PCDH15: variants seen among roughly 807,000 people sequenced by gnomAD.
PCDH15 encodes the protein protocadherin-15.
Under a neutral mutation model 178.5 loss-of-function variants are expected in PCDH15, and 129 were observed. That is an observed-to-expected ratio of 0.72 (90% CI 0.63 to 0.84). The LOEUF (loss-of-function observed/expected upper bound fraction) is 0.84, where lower values mean the gene tolerates loss of function less well. Ranked by LOEUF, PCDH15 falls within the 40% of genes least tolerant of loss-of-function variation. PCDH15 has a pLI of 0.00. For synonymous variants in PCDH15, 800 were observed against 732.0 expected, an observed-to-expected ratio of 1.09 and a Z score of -1.50; for missense variants, 2,230 against 2,099.9, an observed-to-expected ratio of 1.06 and a Z score of -1.21.
chr10:53,987,815 A>G (rs979319928), intron 21 of PCDH15, among the ~76,000 whole-genome samples: 2 of 152,108 alleles, frequency 1.3e-5, no homozygotes, highest in Non-Finnish European at 2.9e-5. Flanking sequence ...TCTCCATTGA[A>G]AACTTCTTTT....
intron 2 of PCDH15, among the ~76,000 whole-genome samples, chr10:55,078,009 G>T (rs538589313): frequency 2.6e-5 from 4 of 152,252 alleles, no homozygotes; most frequent in African/African-American, 7.2e-5. Context: ...GGACTGGTCT[G>T]GTTGTCATGA....
chr10:55,023,962 AAG>A (rs1591841670), intron 2 of PCDH15, among the ~76,000 whole-genome samples: 1 of 149,346 alleles, frequency 6.7e-6, no homozygotes, highest in East Asian at 1.9e-4. Flanking sequence ...GAATCAGAGA[AAG>A]AGATTTTATA....
chr10:54,490,294 C>CA (rs1258648194), intron 3 of PCDH15, among the ~76,000 whole-genome samples: 1 of 151,744 alleles, frequency 6.6e-6, no homozygotes, highest in Non-Finnish European at 1.5e-5. Context: ...ATTAAAAACA[C>CA]AAAAAATTAG....
chr10:54,258,854 C>T lies in PCDH15; in HGVS notation c.877-21923G>A, dbSNP rs1054637183. Among the ~76,000 whole-genome samples, 5 of 151,996 alleles carry T rather than the reference C, an allele frequency of 3.3e-5. No individual in the cohort carries two copies. The East Asian group carries it at 9.6e-4, about 29-fold the overall frequency. On this transcript the variant is annotated intron_variant, in intron 8 of 37. Coordinates refer to ENST00000644397, the MANE Select transcript of PCDH15 (RefSeq NM_001384140.1). ...AATTTTCGTGATATAACTCACAAGG[C>T]AGAAGTCTGATATAAAACATAAAAT...
intron 1 of PCDH15, among the ~76,000 whole-genome samples, chr10:54,769,516 C>T (rs140382202): frequency 2.6e-5 from 4 of 150,956 alleles, no homozygotes; most frequent in Non-Finnish European, 5.9e-5. Context: ...TTAGTGTGTG[C>T]GTCACCAAGA....
At chr10:55,550,943 G>T (rs895942547) in intron 2 of PCDH15, among the ~76,000 whole-genome samples, 1 of 151,960 alleles carries the variant, frequency 6.6e-6, no homozygotes, top group African/African-American at 2.4e-5. Flanking sequence ...AAAATATTTT[G>T]TAATGAATTC....
At chr10:54,079,290 T>C in intron 17 of PCDH15, 41 bp downstream of exon 17, 2 of 1,563,388 alleles carry the variant, frequency 1.3e-6, no homozygotes, top group South Asian at 1.1e-5. Context: ...TCAGTTGCCT[T>C]AATACTATTT....
intron 3 of PCDH15, among the ~76,000 whole-genome samples, chr10:54,870,315 C>T (rs1335167938): frequency 6.6e-6 from 1 of 152,192 alleles, no homozygotes; most frequent in Non-Finnish European, 1.5e-5. Context: ...GAGATTTTAA[C>T]AGGTCCCTCA....
At chr10:55,007,154 T>C (rs1486075487) in intron 2 of PCDH15, among the ~76,000 whole-genome samples, 12 of 152,178 alleles carry the variant, frequency 7.9e-5, no homozygotes, top group Non-Finnish European at 2.9e-5. Flanking sequence ...CTATGCTTCC[T>C]GTGCAGCCTA....
At chr10:54,971,587 A>C (rs1186427981) in intron 2 of PCDH15, among the ~76,000 whole-genome samples, 1 of 152,180 alleles carries the variant, frequency 6.6e-6, no homozygotes, top group Non-Finnish European at 1.5e-5. Flanking sequence ...CTTCCCATGA[A>C]ATCTTCAGTA....
At chr10:54,632,158 T>A (rs2093719884) in intron 2 of PCDH15, among the ~76,000 whole-genome samples, 1 of 152,096 alleles carries the variant, frequency 6.6e-6, no homozygotes. Context: ...GAGACCATTA[T>A]CCTAAGAAAA....
chr10:54,491,201 G>C (rs2079554017), intron 3 of PCDH15, among the ~76,000 whole-genome samples: 2 of 151,794 alleles, frequency 1.3e-5, no homozygotes. Context: ...CAAGTTCAAA[G>C]CTGAAGATTG....
At chr10:55,319,772 A>C (rs963939782), upstream of PCDH15, among the ~76,000 whole-genome samples, 1 of 152,186 alleles carries the variant, frequency 6.6e-6, no homozygotes, top group African/African-American at 2.4e-5. Context: ...TGGCAGGGAC[A>C]GCTGCTTAGA....
At position 54,254,473 on chromosome 10, in the gene PCDH15, A is replaced by G. The variant is rs60697820; in HGVS notation, c.877-17542T>C. ...TGTCTGCCTCACTGAACAGTATAAA[A>G]CATTTGGCAGAGCATGTATAATAAC... On this transcript the variant is annotated intron_variant, in intron 8 of 37. Coordinates refer to ENST00000644397, the MANE Select transcript of PCDH15 (RefSeq NM_001384140.1). Among the ~76,000 whole-genome samples the G allele has an allele frequency of 5.8e-3, 881 of 152,226 alleles. 7 individuals carry two copies. Among genetic ancestry groups the G allele is most frequent in the African/African-American group, 0.018 (733 of 41,562 alleles).
chr10:55,019,621 A>G (rs1840274152), intron 2 of PCDH15, among the ~76,000 whole-genome samples: 1 of 152,152 alleles, frequency 6.6e-6, no homozygotes, highest in African/African-American at 2.4e-5. Flanking sequence ...CTCCTGCTGT[A>G]CTAAGAAATA....
chr10:54,551,306 A>G (rs2086581046), intron 2 of PCDH15, among the ~76,000 whole-genome samples: 1 of 152,098 alleles, frequency 6.6e-6, no homozygotes, highest in South Asian at 2.1e-4. Flanking sequence ...CAAGACATTT[A>G]TATCGCCTCT....
intron 13 of PCDH15, among the ~76,000 whole-genome samples, chr10:54,178,361 G>A (rs1335205252): frequency 6.6e-6 from 1 of 152,032 alleles, no homozygotes; most frequent in African/African-American, 2.4e-5. Context: ...ATACATTTTT[G>A]TCGATAAGGA....
At chr10:54,198,680 T>C (rs972102030) in intron 10 of PCDH15, among the ~76,000 whole-genome samples, 1 of 104,190 alleles carries the variant, frequency 9.6e-6, no homozygotes. Context: ...TTTTTGTATT[T>C]TTAGTAGAGA....
intron 5 of PCDH15, among the ~76,000 whole-genome samples, chr10:54,358,691 G>T (rs1945469064): frequency 6.6e-6 from 1 of 152,042 alleles, no homozygotes; most frequent in South Asian, 2.1e-4. Flanking sequence ...AAATCATGCT[G>T]CTGTAAAGAC....
Sources: gnomAD v4.1 joint callset for allele counts (sites outside exome capture counted in the v4.1 genomes callset) on GRCh38, gnomAD v4.1.1 for gene constraint, MANE v1.5 for transcripts, NCBI Gene and HGNC (gene_info 2026-07-23, HGNC 2026-07-21) for gene names.